DPYD: variants seen among roughly 807,000 people sequenced by gnomAD.
The protein encoded by DPYD is dihydropyrimidine dehydrogenase.
In DPYD, 109 loss-of-function variants were observed where a neutral mutation model predicts 116.2. The observed-to-expected ratio is 0.94, with a 90% CI of 0.80 to 1.10. The LOEUF is 1.10. DPYD is among the 50% of genes least tolerant of loss of function. DPYD has a pLI of 0.00. For missense variants in DPYD, 1,302 were observed against 1,254.5 expected, an observed-to-expected ratio of 1.04 and a Z score of -0.57; for synonymous variants, 440 against 432.0, an observed-to-expected ratio of 1.02 and a Z score of -0.23.
chr1:97,087,781 A>G (rs1252578909), intron 21 of DPYD, among the ~76,000 whole-genome samples: 1 of 152,184 alleles, frequency 6.6e-6, no homozygotes, highest in Non-Finnish European at 1.5e-5. Flanking sequence ...TAACTCTCAA[A>G]TATATTTTCT....
intron 13 of DPYD, among the ~76,000 whole-genome samples, chr1:97,455,619 A>C (rs940526387): frequency 6.6e-6 from 1 of 151,936 alleles, no homozygotes; most frequent in African/African-American, 2.4e-5. Context: ...AATCTAACAT[A>C]CTGATACCCT....
intron 13 of DPYD, among the ~76,000 whole-genome samples, chr1:97,492,445 A>C (rs1485515158): frequency 1.3e-5 from 2 of 152,150 alleles, no homozygotes; most frequent in Non-Finnish European, 2.9e-5. Flanking sequence ...TATTCACATA[A>C]CACAATTTGA....
At chr1:97,653,582 T>C (rs1658721046) in intron 8 of DPYD, among the ~76,000 whole-genome samples, 1 of 152,132 alleles carries the variant, frequency 6.6e-6, no homozygotes, top group Non-Finnish European at 1.5e-5. Context: ...GGATTACAGG[T>C]GTGAGACACC....
chr1:97,652,816 G>A (rs934495269), intron 8 of DPYD, among the ~76,000 whole-genome samples: 3 of 151,946 alleles, frequency 2.0e-5, no homozygotes, highest in African/African-American at 4.8e-5. Context: ...TCTTAACCTC[G>A]GGTATATGAC....
chr1:97,158,705 G>T (rs1655671873), intron 20 of DPYD, among the ~76,000 whole-genome samples: 1 of 151,956 alleles, frequency 6.6e-6, no homozygotes, highest in Admixed American at 6.6e-5. Flanking sequence ...AATCAGAGTT[G>T]GGGCCATCAA....
At chr1:97,549,200 C>T (rs2102082817) in intron 12 of DPYD, among the ~76,000 whole-genome samples, 1 of 151,992 alleles carries the variant, frequency 6.6e-6, no homozygotes, top group East Asian at 1.9e-4. Context: ...CCAAGAAGCT[C>T]GTACCACAGG....
At chr1:97,646,039 A>G (rs943426763) in intron 8 of DPYD, among the ~76,000 whole-genome samples, 5 of 152,114 alleles carry the variant, frequency 3.3e-5, no homozygotes, top group Non-Finnish European at 5.9e-5. Flanking sequence ...CATTTTCCCT[A>G]TATGTCCAAG....
intron 19 of DPYD, among the ~76,000 whole-genome samples, chr1:97,215,815 T>G (rs879473543): frequency 6.6e-6 from 1 of 152,200 alleles, no homozygotes; most frequent in Non-Finnish European, 1.5e-5. Context: ...TGGTATAAGA[T>G]ACTTGTGACT....
chr1:97,869,125 G>A (rs974059550), intron 2 of DPYD, among the ~76,000 whole-genome samples: 5 of 151,688 alleles, frequency 3.3e-5, no homozygotes, highest in Non-Finnish European at 5.9e-5. Context: ...TGCTCAAACA[G>A]CCCAGAATGA....
chr1:97,461,136 G>T (rs1677007238), intron 13 of DPYD, among the ~76,000 whole-genome samples: 1 of 151,304 alleles, frequency 6.6e-6, no homozygotes, highest in Admixed American at 6.6e-5. Flanking sequence ...GGCAACCTTT[G>T]TTTTCAGTTC....
intron 13 of DPYD, among the ~76,000 whole-genome samples, chr1:97,491,217 T>C (rs2101904196): frequency 6.8e-6 from 1 of 147,892 alleles, no homozygotes; most frequent in African/African-American, 2.5e-5. Context: ...TTATTATATA[T>C]TTGTATATTA....
intron 4 of DPYD, among the ~76,000 whole-genome samples, chr1:97,726,719 A>G (rs755010628): frequency 5.9e-5 from 9 of 151,356 alleles, no homozygotes; most frequent in Non-Finnish European, 1.0e-4. Context: ...GTAAGGAAGC[A>G]CAGAAAAAAA....
intron 16 of DPYD, among the ~76,000 whole-genome samples, chr1:97,336,208 T>A (rs1008899916): frequency 2.0e-5 from 3 of 152,216 alleles, no homozygotes; most frequent in African/African-American, 7.2e-5. Context: ...TAAGCCTTTA[T>A]GGAGTGCCTC....
At chr1:97,695,014 G>A (rs1025110098) in intron 6 of DPYD, among the ~76,000 whole-genome samples, 3 of 152,120 alleles carry the variant, frequency 2.0e-5, no homozygotes, top group African/African-American at 7.2e-5. Context: ...GTTAAATAGA[G>A]GCCATCAGCA....
At chr1:97,214,425 G>A (rs1333056692) in intron 19 of DPYD, among the ~76,000 whole-genome samples, 1 of 152,116 alleles carries the variant, frequency 6.6e-6, no homozygotes, top group Non-Finnish European at 1.5e-5. Context: ...GTAGGCCAAT[G>A]AATAAAAGAT....
intron 14 of DPYD, among the ~76,000 whole-genome samples, chr1:97,411,823 C>T (rs1045581337): frequency 2.6e-5 from 4 of 152,086 alleles, no homozygotes; most frequent in South Asian, 4.1e-4. Context: ...CTGGTATAGA[C>T]GTTAAACAGC....
At chr1:97,870,739 G>A (rs1571503469) in intron 2 of DPYD, among the ~76,000 whole-genome samples, 1 of 151,770 alleles carries the variant, frequency 6.6e-6, no homozygotes, top group Non-Finnish European at 1.5e-5. Context: ...AGTGCAGCCT[G>A]CACAGACGTC....
intron 2 of DPYD, among the ~76,000 whole-genome samples, chr1:97,880,426 G>A (rs961578699): frequency 1.3e-5 from 2 of 151,634 alleles, no homozygotes; most frequent in African/African-American, 4.8e-5. Context: ...ATTTATGCCA[G>A]CATGAAGAGG....
rs532399476 is a variant in DPYD at position 97,816,030 on chromosome 1, A to C, written c.233+12084T>G. On this transcript the variant is annotated intron_variant, in intron 3 of 22. Transcript: ENST00000370192. Reference sequence around the variant, plus strand: ...CCAAATAACATCTTGCACATCAATAAAACACCAAGAACATTTACATTTTTA... The same window carrying C: ...CCAAATAACATCTTGCACATCAATACAACACCAAGAACATTTACATTTTTA... 2.0e-5 allele frequency among the ~76,000 whole-genome samples: 3 copies of C among 152,234 alleles called. No individual in the cohort carries two copies. In the South Asian group the frequency reaches 6.2e-4, roughly 32 times the overall value.
Sources: allele counts gnomAD v4.1 joint callset (sites outside exome capture counted in the v4.1 genomes callset), GRCh38; gene constraint gnomAD v4.1.1; transcripts MANE v1.5; gene names NCBI Gene and HGNC (gene_info 2026-07-23, HGNC 2026-07-21).